Variants in ATP6V1H observed in about 807,000 individuals in gnomAD.
The protein encoded by ATP6V1H is V-type proton ATPase subunit H.
Under a neutral mutation model 71.7 loss-of-function variants are expected in ATP6V1H, and 39 were observed. The observed-to-expected ratio is 0.54, with a 90% confidence interval of 0.42 to 0.71. The LOEUF (loss-of-function observed/expected upper bound fraction) is 0.71. ATP6V1H is among the 30% of genes least tolerant of loss of function. ATP6V1H has a pLI of 0.00. For missense variants in ATP6V1H, 509 were observed against 594.9 expected, an observed-to-expected ratio of 0.86 and a Z score of 1.50; for synonymous variants, 192 against 199.3, an observed-to-expected ratio of 0.96 and a Z score of 0.31.
chr8:53,754,870 G>A (rs145151574), intron 12 of ATP6V1H, among the ~76,000 whole-genome samples: 1 of 152,312 alleles, frequency 6.6e-6, no homozygotes, highest in Non-Finnish European at 1.5e-5. Context: ...TTTAAGGCGA[G>A]ACTGGCCTAT....
At chr8:53,795,355 T>C (rs1420083905) in intron 9 of ATP6V1H, among the ~76,000 whole-genome samples, 1 of 152,164 alleles carries the variant, frequency 6.6e-6, no homozygotes, top group Non-Finnish European at 1.5e-5. Flanking sequence ...AAACAGTCTC[T>C]TGGAATACAC....
At chr8:53,836,616 T>C (rs1049677333) in intron 2 of ATP6V1H, among the ~76,000 whole-genome samples, 1 of 152,190 alleles carries the variant, frequency 6.6e-6, no homozygotes, top group Admixed American at 6.5e-5. Flanking sequence ...CACCAGTGGA[T>C]TTCCCCGCAT....
chr8:53,786,251 C>A (rs1352002950), intron 9 of ATP6V1H, among the ~76,000 whole-genome samples: 1 of 152,216 alleles, frequency 6.6e-6, no homozygotes, highest in Non-Finnish European at 1.5e-5. Flanking sequence ...GCACCCCTCC[C>A]CCAGCCTCGC....
intron 13 of ATP6V1H, among the ~76,000 whole-genome samples, chr8:53,716,340 T>G (rs1240235285): frequency 6.6e-6 from 1 of 152,226 alleles, no homozygotes; most frequent in African/African-American, 2.4e-5. Flanking sequence ...GGGGAAAGAC[T>G]ACTTTCCTGT....
At chr8:53,814,853 T>C in intron 5 of ATP6V1H, 87 bp from the exon 6 acceptor site, 1 of 871,946 alleles carries the variant, frequency 1.1e-6, no homozygotes, top group South Asian at 1.7e-5. Context: ...GTAACAATTT[T>C]GCTACACAAT....
chr8:53,721,896 T>C (rs1276140288), intron 13 of ATP6V1H, among the ~76,000 whole-genome samples: 1 of 152,174 alleles, frequency 6.6e-6, no homozygotes, highest in African/African-American at 2.4e-5. Context: ...CCTAAAGAGG[T>C]GATCCATGAA....
chr8:53,796,996 T>C (rs1242293011), intron 8 of ATP6V1H, among the ~76,000 whole-genome samples: 1 of 152,256 alleles, frequency 6.6e-6, no homozygotes, highest in Non-Finnish European at 1.5e-5. Context: ...TGCCTTGTCT[T>C]CTCTATTTTT....
At chr8:53,785,151 T>G (rs1195177060) in intron 9 of ATP6V1H, among the ~76,000 whole-genome samples, 1 of 152,168 alleles carries the variant, frequency 6.6e-6, no homozygotes, top group Non-Finnish European at 1.5e-5. Flanking sequence ...TTGGTTCCAT[T>G]CTCCCCGTCA....
intron 1 of ATP6V1H, 63 bp downstream of exon 1, chr8:53,842,971 A>AC (rs1811392617): frequency 6.6e-6 from 1 of 152,418 alleles, no homozygotes; most frequent in African/African-American, 2.4e-5. Flanking sequence ...AAGCTGGAGA[A>AC]ACTGCAAGAG....
intron 12 of ATP6V1H, among the ~76,000 whole-genome samples, chr8:53,744,354 T>C (rs945976040): frequency 2.6e-5 from 4 of 152,050 alleles, no homozygotes; most frequent in Non-Finnish European, 4.4e-5. Flanking sequence ...ATCCACTTAT[T>C]ACAAACACAA....
chr8:53,724,648 A>G (rs1286304390), intron 13 of ATP6V1H, among the ~76,000 whole-genome samples: 1 of 140,132 alleles, frequency 7.1e-6, no homozygotes, highest in Admixed American at 7.5e-5. Context: ...CAGGGACGGC[A>G]GTGCGCTGAG....
rs748803518 is a variant in ATP6V1H, at chr8:53,715,615, G to GA, written c.*348dup. The GA allele has an allele frequency of 1.9e-4, 39 of 206,586 alleles. No homozygotes were observed. Among genetic ancestry groups the GA allele is most frequent in the Middle Eastern group, 1.6e-3 (1 of 632 alleles). The allele number at this position is 206,586 out of a possible 1,614,324, so 12.8% of individuals were successfully genotyped here. On this transcript the variant is annotated 3_prime_UTR_variant, in exon 14 of 14. Coordinates refer to ENST00000359530, the MANE Select transcript of ATP6V1H (RefSeq NM_015941.4). ...TGCAACAATTCTCCCAATTTGGTTT[G>GA]AAAAGAGACAACAGTTGACTTTTGT...
intron 13 of ATP6V1H, among the ~76,000 whole-genome samples, chr8:53,728,011 CATT>C (rs1806876805): frequency 6.6e-6 from 1 of 152,172 alleles, no homozygotes; most frequent in South Asian, 2.1e-4. Context: ...TTGCTATCAC[CATT>C]ATTACCTAGG....
intron 13 of ATP6V1H, among the ~76,000 whole-genome samples, chr8:53,740,641 T>G (rs188341065): frequency 1.3e-5 from 2 of 152,320 alleles, no homozygotes; most frequent in Admixed American, 1.3e-4. Flanking sequence ...ACAAGATTCT[T>G]TAGAACACCA....
At chr8:53,782,105 G>T (rs1184011189) in intron 9 of ATP6V1H, among the ~76,000 whole-genome samples, 3 of 152,088 alleles carry the variant, frequency 2.0e-5, no homozygotes, top group Non-Finnish European at 4.4e-5. Context: ...GATGGGGATG[G>T]CACTGAATCT....
chr8:53,792,351 C>A (rs1320527335), intron 9 of ATP6V1H, among the ~76,000 whole-genome samples: 1 of 152,156 alleles, frequency 6.6e-6, no homozygotes, highest in African/African-American at 2.4e-5. Context: ...AATAGCTGGT[C>A]GGTGTTTATC....
intron 6 of ATP6V1H, among the ~76,000 whole-genome samples, chr8:53,812,555 G>A (rs1409913440): frequency 1.3e-5 from 2 of 152,190 alleles, no homozygotes; most frequent in Non-Finnish European, 2.9e-5. Flanking sequence ...GTTTAAGGTA[G>A]AAGTGCCCAA....
intron 12 of ATP6V1H, among the ~76,000 whole-genome samples, chr8:53,754,633 A>G (rs578212580): frequency 1.3e-5 from 2 of 152,310 alleles, no homozygotes; most frequent in South Asian, 4.1e-4. Context: ...CCTTATGACC[A>G]CACCCCTAAA....
rs192174984 is a variant in ATP6V1H at position 53,760,471 on chromosome 8, G to C, written c.1176-3815C>G. Among the ~76,000 whole-genome samples the C allele has an allele frequency of 2.2e-3, 335 of 152,314 alleles. 2 individuals are homozygous for C. The highest frequency in any genetic ancestry group is 7.8e-3 in the African/African-American group (324 of 41,552). On this transcript the variant is annotated intron_variant, in intron 11 of 13. Coordinates refer to ENST00000359530, the MANE Select transcript of ATP6V1H (RefSeq NM_015941.4). ...CCCAAGTCAAGGGCAGAACAGGGCA[G>C]TTGGATCTCCCAAGTCATCCACTTG...
Sources: allele counts gnomAD v4.1 joint callset (sites outside exome capture counted in the v4.1 genomes callset), GRCh38; gene constraint gnomAD v4.1.1; transcripts MANE v1.5; gene names NCBI Gene and HGNC (gene_info 2026-07-23, HGNC 2026-07-21).